The following SNTG2 variants were observed in gnomAD, a reference collection of about 807,000 sequenced individuals.
SNTG2 encodes the protein gamma-2-syntrophin.
SNTG2 carries 74 observed loss-of-function variants against 70.9 expected under a neutral mutation model. The ratio of observed to expected loss-of-function variants is 1.04; its 90% CI spans 0.86 to 1.27. SNTG2 has a LOEUF of 1.27. SNTG2 is among the 50% of genes most tolerant of loss of function. SNTG2 has a pLI of 0.00. For synonymous variants in SNTG2, 278 were observed against 273.8 expected (o/e 1.02, Z -0.15); for missense variants, 717 against 690.7 (o/e 1.04, Z -0.43).
intron 6 of SNTG2, among the ~76,000 whole-genome samples, chr2:1,139,224 G>GT (rs1379892687): frequency 2.2e-4 from 34 of 152,058 alleles, no homozygotes; most frequent in African/African-American, 4.8e-4. Context: ...TTGTTTGTTT[G>GT]TTTGTTTTGT....
chr2:996,456 A>G (rs1661683298), intron 1 of SNTG2, among the ~76,000 whole-genome samples: 2 of 152,128 alleles, frequency 1.3e-5, no homozygotes, highest in African/African-American at 2.4e-5. Flanking sequence ...GTTTAGGAAT[A>G]AACATAAACA....
At chr2:1,221,468 T>TCTCTCTGTCTCTGC (rs1674834654) in intron 9 of SNTG2, among the ~76,000 whole-genome samples, 6 of 56,094 alleles carry the variant, frequency 1.1e-4, no homozygotes, top group African/African-American at 2.0e-4. Flanking sequence ...TGTCTCTGTC[T>TCTCTCTGTCTCTGC]CTCTGTCTCT....
At chr2:1,218,447 G>A (rs1674540146) in intron 9 of SNTG2, among the ~76,000 whole-genome samples, 2 of 152,170 alleles carry the variant, frequency 1.3e-5, no homozygotes, top group African/African-American at 2.4e-5. Flanking sequence ...GCACGTCCAC[G>A]CTTCTTAGAA....
At chr2:1,158,087 C>T (rs575574821) in intron 6 of SNTG2, among the ~76,000 whole-genome samples, 1 of 152,278 alleles carries the variant, frequency 6.6e-6, no homozygotes, top group South Asian at 2.1e-4. Flanking sequence ...GCATCATGCT[C>T]AAAGGGCCCA....
At chr2:1,217,671 A>G (rs1351197279) in intron 9 of SNTG2, among the ~76,000 whole-genome samples, 1 of 152,178 alleles carries the variant, frequency 6.6e-6, no homozygotes, top group Admixed American at 6.5e-5. Context: ...TTATGTAGAA[A>G]TGTAGTACAT....
chr2:1,020,602 A>G (rs1460724524), intron 1 of SNTG2, among the ~76,000 whole-genome samples: 1 of 152,060 alleles, frequency 6.6e-6, no homozygotes, highest in East Asian at 1.9e-4. Flanking sequence ...AAAAGTTGGA[A>G]GAATAGTCTA....
intron 9 of SNTG2, among the ~76,000 whole-genome samples, chr2:1,228,006 A>T (rs1291076122): frequency 6.6e-6 from 1 of 152,158 alleles, no homozygotes; most frequent in Non-Finnish European, 1.5e-5. Flanking sequence ...GGGATGAGAC[A>T]GCACCTGCAG....
chr2:1,168,411 AGGGGTCAGAGCCCCAAAGCC>A (rs1322326456), intron 7 of SNTG2, among the ~76,000 whole-genome samples: 1 of 152,242 alleles, frequency 6.6e-6, no homozygotes, highest in African/African-American at 2.4e-5. Flanking sequence ...AGATGCTGCC[AGGGGTCAGAGCCCCAAAGCC>A]GGCCCATCTC....
At chr2:1,002,435 G>A (rs1408675620) in intron 1 of SNTG2, among the ~76,000 whole-genome samples, 10 of 152,032 alleles carry the variant, frequency 6.6e-5, no homozygotes, top group Non-Finnish European at 5.9e-5. Flanking sequence ...GTAGGCAAAA[G>A]TAGGCAAAAG....
chr2:1,367,232 T>G (rs1661535625), intron 16 of SNTG2, 111 bp from the exon 17 acceptor site: 2 of 1,024,160 alleles, frequency 2.0e-6, no homozygotes, highest in Middle Eastern at 2.8e-4. Context: ...CTATTATTAT[T>G]TTTTTGGAGG....
At chr2:1,203,722 A>G (rs566499845) in intron 8 of SNTG2, among the ~76,000 whole-genome samples, 1 of 150,370 alleles carries the variant, frequency 6.7e-6, no homozygotes, top group African/African-American at 2.4e-5. Context: ...GTATGTGTGT[A>G]TATGTATATG....
At chr2:1,089,043 G>A (rs539986964) in intron 2 of SNTG2, among the ~76,000 whole-genome samples, 15 of 152,364 alleles carry the variant, frequency 9.8e-5, no homozygotes, top group African/African-American at 3.6e-4. Context: ...GCTGAAGGCT[G>A]CAAGGATGAA....
At chr2:1,002,165 AGAAAATCTAG>A (rs1300990829) in intron 1 of SNTG2, among the ~76,000 whole-genome samples, 1 of 152,182 alleles carries the variant, frequency 6.6e-6, no homozygotes, top group African/African-American at 2.4e-5. Context: ...AAAAACCAGA[AGAAAATCTAG>A]GAAAATCTCT....
chr2:1,001,176 A>G (rs1558303751), intron 1 of SNTG2, among the ~76,000 whole-genome samples: 1 of 152,170 alleles, frequency 6.6e-6, no homozygotes, highest in African/African-American at 2.4e-5. Context: ...TGAATGGACA[A>G]ACACCAAAAA....
intron 7 of SNTG2, among the ~76,000 whole-genome samples, chr2:1,166,724 T>G (rs1377938557): frequency 1.3e-5 from 2 of 152,160 alleles, no homozygotes; most frequent in Non-Finnish European, 2.9e-5. Flanking sequence ...TGTTGCGTTT[T>G]CCAGTACCAC....
At position 1,294,889 on chromosome 2, in the gene SNTG2, G is replaced by A. The variant is rs141607035; in HGVS notation, c.1285-13605G>A. The stretch of plus-strand genomic sequence containing the variant: ...AGCCTGCAGAATCATAAAACCACTC[G>A]CTAACATAACACTCTACAGTTTACA... On this transcript the variant is annotated intron_variant, in intron 14 of 16. Transcript: ENST00000308624. Among the ~76,000 whole-genome samples the A allele has an allele frequency of 5.7e-3, 866 of 152,272 alleles. 5 individuals carry two copies. Among genetic ancestry groups the A allele is most frequent in the Non-Finnish European group, 0.01 (685 of 68,020 alleles).
At chr2:1,087,477 G>A (rs1664758637) in intron 2 of SNTG2, among the ~76,000 whole-genome samples, 2 of 152,154 alleles carry the variant, frequency 1.3e-5, no homozygotes, top group African/African-American at 4.8e-5. Context: ...ACACTCTGCT[G>A]ATGCTGCAGT....
intron 1 of SNTG2, among the ~76,000 whole-genome samples, chr2:975,526 T>A (rs1660882264): frequency 6.6e-6 from 1 of 152,242 alleles, no homozygotes; most frequent in Admixed American, 6.5e-5. Context: ...CATTGACATC[T>A]ACTATATAAT....
intron 14 of SNTG2, among the ~76,000 whole-genome samples, chr2:1,286,641 A>G (rs1679777463): frequency 6.6e-6 from 1 of 152,210 alleles, no homozygotes; most frequent in African/African-American, 2.4e-5. Flanking sequence ...TATTTAGAGT[A>G]AGTGTCCATT....
Sources: gnomAD v4.1 joint callset for allele counts (sites outside exome capture counted in the v4.1 genomes callset) on GRCh38, gnomAD v4.1.1 for gene constraint, MANE v1.5 for transcripts, NCBI Gene and HGNC (gene_info 2026-07-23, HGNC 2026-07-21) for gene names.